Variants in FCAMR observed in about 807,000 individuals in gnomAD.
FCAMR encodes Fc alpha and mu receptor.
In FCAMR, 51 loss-of-function variants were observed where a neutral mutation model predicts 52.2. The observed-to-expected ratio is 0.98, with a 90% confidence interval of 0.78 to 1.23. The LOEUF (loss-of-function observed/expected upper bound fraction) is 1.23, where lower values mean the gene tolerates loss of function less well. Ranked by LOEUF, FCAMR falls within the 50% of genes most tolerant of loss-of-function variation. The pLI is 0.00. For missense variants in FCAMR, 719 were observed against 712.6 expected, an observed-to-expected ratio of 1.01 and a Z score of -0.10; for synonymous variants, 282 against 262.0, an observed-to-expected ratio of 1.08 and a Z score of -0.74.
At chr1:206,970,003 G>A in intron 1 of FCAMR, 84 bp downstream of exon 1, 1 of 1,546,042 alleles carries the variant, frequency 6.5e-7, no homozygotes, top group Non-Finnish European at 8.9e-7. Context: ...GGGCACTGAG[G>A]AGCATGTGTG....
rs571724323 is a variant in FCAMR, at chr1:206,959,805, G to A, written c.1455-8C>T. Reference sequence around the variant, plus strand: ...TCATCTTCTGGAAAAGTACTACAGTGGGGGTGGAAAGAGCACAGGGGAGAG... The same window carrying A: ...TCATCTTCTGGAAAAGTACTACAGTAGGGGTGGAAAGAGCACAGGGGAGAG... On this transcript the variant is annotated splice_polypyrimidine_tract_variant and splice_region_variant and intron_variant, in intron 6 of 7. Coordinates refer to ENST00000324852, the MANE Select transcript of FCAMR (RefSeq NM_001170631.2). 1.2e-5 allele frequency: 19 copies of A among 1,606,388 alleles called. No homozygotes were observed. The highest frequency in any genetic ancestry group is 2.7e-5 in the African/African-American group (2 of 74,782).
chr1:206,962,290 T>A lies in FCAMR; in HGVS notation c.575A>T (p.Asp192Val). The A allele has an allele frequency of 1.2e-6, 2 of 1,614,190 alleles. No individual in the cohort carries two copies. Among genetic ancestry groups the A allele is most frequent in the Non-Finnish European group, 1.7e-6 (2 of 1,180,018 alleles). ...AATGCCGCAGAGGTAGCATCCGATG[T>A]CATCCGGGGACAGTTGGGACAGCCT... ...VVRLSQLSPD[D>V]IGCYLCGIGS... Residue 192 changes from aspartate (D) to valine (V), a missense_variant, in exon 5 of 8, where the codon GAC (aspartate) becomes GTC (valine). Coordinates refer to ENST00000324852, the MANE Select transcript of FCAMR (RefSeq NM_001170631.2).
At position 206,970,394 on chromosome 1, in the gene FCAMR, C is replaced by T. The variant is rs768461033; in HGVS notation, c.-269G>A. 10 of 428,472 alleles carry T rather than the reference C, an allele frequency of 2.3e-5. No individual in the cohort carries two copies. The highest frequency in any genetic ancestry group is 4.2e-5 in the Non-Finnish European group (10 of 240,330). 26.5% of individuals were successfully genotyped at this position (428,472 alleles called of 1,614,324 possible). ...CTTACTGTCACTTATTCCTGAAGAA[C>T]TTTTCCAGGAGTGGTAACAGTAGCT... is the stretch of plus-strand genomic sequence containing the variant. On this transcript the variant is annotated 5_prime_UTR_variant, in exon 1 of 8. Transcript: ENST00000324852.
At chr1:206,965,682 C>A in intron 4 of FCAMR, 33 bp downstream of exon 4, 1 of 1,530,788 alleles carries the variant, frequency 6.5e-7, no homozygotes, top group African/African-American at 1.4e-5. Context: ...GTCTGAGGTC[C>A]ATGGTCGAAC....
In FCAMR at chr1:206,958,570, G is replaced by C; in HGVS notation, c.1680C>G (p.Asp560Glu). The C allele has an allele frequency of 6.2e-7, 1 of 1,613,664 alleles. No individual in the cohort carries two copies. The change falls in exon 8 of 8, where the codon GAC (aspartate) becomes GAG (glutamate). Residue 560 changes from aspartate (D) to glutamate (E), a missense_variant. Transcript: ENST00000324852. ...TCAGGCTGGCCCCAGCAGGAAGAGAGTCATCCTGGAGCATCTTTCTTTCCA... is the reference window on the plus strand; with the variant it reads ...TCAGGCTGGCCCCAGCAGGAAGAGACTCATCCTGGAGCATCTTTCTTTCCA... ...PHVERKMLQDDSLPAGASLTA... is the reference protein window; with the variant it reads ...PHVERKMLQDESLPAGASLTA...
Position 206,962,476 on chromosome 1 carries a change from G to C in FCAMR, c.389C>G (p.Ala130Gly), listed in dbSNP as rs1162524264. 3.1e-6 allele frequency: 5 copies of C among 1,611,966 alleles called. No individual in the cohort carries two copies. The highest frequency in any genetic ancestry group is 4.2e-6 in the Non-Finnish European group (5 of 1,178,274). The change falls in exon 5 of 8, where the codon GCC (alanine) becomes GGC (glycine). Residue 130 changes from alanine to glycine, a missense_variant. By Grantham distance (60) the Ala-to-Gly change is moderately conservative. Coordinates refer to ENST00000324852, the MANE Select transcript of FCAMR (RefSeq NM_001170631.2). ...GGAVTIQCHY[A>G]PSSVNRHQRK... ...CTGGTGCCTGTTGACAGATGAGGGG[G>C]CATAATGGCACTGGATGGTGACAGC...
At chr1:206,967,260 C>A in intron 2 of FCAMR, 148 bp from the exon 3 acceptor site, 1 of 774,934 alleles carries the variant, frequency 1.3e-6, no homozygotes, top group South Asian at 1.6e-5. Context: ...AAGACAAGCA[C>A]TTCCCTCCCT....
intron 4 of FCAMR, among the ~76,000 whole-genome samples, chr1:206,963,843 G>A (rs1558025893): frequency 6.6e-6 from 1 of 152,226 alleles, no homozygotes; most frequent in Non-Finnish European, 1.5e-5. Context: ...ATATATGGCT[G>A]TCGTTCTCTC....
At chr1:206,960,156 A>T (rs1168827353) in intron 6 of FCAMR, 1 of 514,840 alleles carries the variant, frequency 1.9e-6, no homozygotes, top group East Asian at 3.1e-5. Flanking sequence ...CCTATTCTTT[A>T]TCTTTAAAAA....
chr1:206,968,995 A>AGC (rs1303182983), intron 1 of FCAMR, among the ~76,000 whole-genome samples: 1 of 152,152 alleles, frequency 6.6e-6, no homozygotes, highest in Non-Finnish European at 1.5e-5. Flanking sequence ...CAAGTCCCCT[A>AGC]GCTTGGGCAC....
Sources: gnomAD v4.1 joint callset for allele counts (sites outside exome capture counted in the v4.1 genomes callset) on GRCh38, gnomAD v4.1.1 for gene constraint, MANE v1.5 for transcripts, NCBI Gene and HGNC (gene_info 2026-07-23, HGNC 2026-07-21) for gene names.